The following C5orf46 variants were observed in gnomAD, a reference collection of about 807,000 sequenced individuals.
The protein encoded by C5orf46 is uncharacterized protein C5orf46.
C5orf46 carries 9 observed loss-of-function variants against 8.9 expected under a neutral mutation model. That is an observed-to-expected ratio of 1.01 (90% confidence interval 0.61 to 1.76). The LOEUF is 1.76. C5orf46 is among the 40% of genes most tolerant of loss of function. The pLI is 0.00. For missense variants in C5orf46, 98 were observed against 107.8 expected (o/e 0.91, Z 0.40); for synonymous variants, 47 against 41.4 (o/e 1.14, Z -0.52).
chr5:147,899,256 T>C (rs1266523146), intron 2 of C5orf46, among the ~76,000 whole-genome samples: 2 of 152,182 alleles, frequency 1.3e-5, no homozygotes, highest in East Asian at 3.8e-4. Context: ...GAGAAGGGAT[T>C]AAGAGCCTAG....
intron 3 of C5orf46, among the ~76,000 whole-genome samples, chr5:147,895,990 G>A (rs935366997): frequency 2.0e-5 from 3 of 152,144 alleles, no homozygotes; most frequent in African/African-American, 4.8e-5. Context: ...GGGAAAAGGA[G>A]CATTTCCAGA....
intron 3 of C5orf46, among the ~76,000 whole-genome samples, chr5:147,894,864 T>A (rs1757556874): frequency 6.6e-6 from 1 of 151,486 alleles, no homozygotes; most frequent in Non-Finnish European, 1.5e-5. Flanking sequence ...TTCAAGACCA[T>A]CATGGCCAAC....
chr5:147,897,620 A>G (rs1757604783), intron 2 of C5orf46, among the ~76,000 whole-genome samples: 1 of 152,214 alleles, frequency 6.6e-6, no homozygotes. Flanking sequence ...AGTGGAGAAA[A>G]CAGACAACTC....
rs541420015 is a variant in C5orf46, at chr5:147,900,840, T to C, written c.215+789A>G. On this transcript the variant is annotated intron_variant, in intron 2 of 3. Coordinates refer to ENST00000318315, the MANE Select transcript of C5orf46 (RefSeq NM_206966.3). Reference sequence around the variant, plus strand: ...TGGAAATTTGGAAGAGTGAATTTCATCTTGGAGAACTGAAATTTGGGAGAT... The same window carrying C: ...TGGAAATTTGGAAGAGTGAATTTCACCTTGGAGAACTGAAATTTGGGAGAT... 2.7e-3 allele frequency among the ~76,000 whole-genome samples: 409 copies of C among 152,332 alleles called. 1 individual carries two copies. The highest frequency in any genetic ancestry group is 9.3e-3 in the African/African-American group (388 of 41,578).
intron 2 of C5orf46, among the ~76,000 whole-genome samples, chr5:147,897,468 A>G (rs6862197): frequency 0.21 from 32,599 of 152,158 alleles, 5,978 homozygotes; most frequent in African/African-American, 0.51. Flanking sequence ...CTGGTAAGTT[A>G]CAAAGAAAAT....
chr5:147,895,264 C>A (rs1478595052), intron 3 of C5orf46, among the ~76,000 whole-genome samples: 3 of 152,034 alleles, frequency 2.0e-5, no homozygotes, highest in Non-Finnish European at 2.9e-5. Flanking sequence ...CATGGTGAAA[C>A]CCTGTCTCTA....
intron 3 of C5orf46, among the ~76,000 whole-genome samples, chr5:147,894,879 T>A: frequency 6.6e-6 from 1 of 151,406 alleles, no homozygotes; most frequent in East Asian, 1.9e-4. Context: ...GCCAACATGG[T>A]GAAACCTCAT....
intron 2 of C5orf46, 76 bp from the exon 3 acceptor site, chr5:147,897,117 A>G (rs1046890258): frequency 9.4e-6 from 6 of 638,984 alleles, no homozygotes; most frequent in Admixed American, 3.0e-5. Flanking sequence ...AAGGCGCTGT[A>G]TAATGTTTGA....
chr5:147,896,938 T>A, intron 3 of C5orf46, 46 bp downstream of exon 3: 2 of 975,836 alleles, frequency 2.0e-6, no homozygotes, highest in Non-Finnish European at 3.1e-6. Context: ...TTTTCCTTTG[T>A]CCAATACACT....
chr5:147,891,687 C>T (rs1349796541), downstream of C5orf46, among the ~76,000 whole-genome samples: 1 of 152,032 alleles, frequency 6.6e-6, no homozygotes, highest in Non-Finnish European at 1.5e-5. Context: ...GATTTTGCAG[C>T]CACATTTGAT....
At chr5:147,896,393 C>T (rs1757580327) in intron 3 of C5orf46, among the ~76,000 whole-genome samples, 1 of 152,184 alleles carries the variant, frequency 6.6e-6, no homozygotes, top group East Asian at 1.9e-4. Flanking sequence ...TAGCTTAATG[C>T]CTAAAACAGA....
At chr5:147,893,706 C>T (rs1362904153) in intron 3 of C5orf46, among the ~76,000 whole-genome samples, 1 of 152,030 alleles carries the variant, frequency 6.6e-6, no homozygotes, top group African/African-American at 2.4e-5. Context: ...CCATGCCCGG[C>T]TAATTTTGTA....
chr5:147,903,852 A>G (rs1036995875), intron 1 of C5orf46, among the ~76,000 whole-genome samples: 3 of 152,172 alleles, frequency 2.0e-5, no homozygotes, highest in African/African-American at 7.2e-5. Flanking sequence ...GGCTCAAGAC[A>G]TCCTCCCACC....
Position 147,894,624 on chromosome 5 carries a change from A to T in C5orf46, c.*10-1685T>A, listed in dbSNP as rs570253329. ...GCATAACTTTATCATTTCCTTCCACAGTTATGAGATACACAGAGCTATGTG... is the reference window on the plus strand; with the variant it reads ...GCATAACTTTATCATTTCCTTCCACTGTTATGAGATACACAGAGCTATGTG... On this transcript the variant is annotated intron_variant, in intron 3 of 3. Transcript: ENST00000318315. Among the ~76,000 whole-genome samples the T allele has an allele frequency of 3.3e-5, 5 of 152,188 alleles. No individual in the cohort carries two copies. The South Asian group carries it at 1.0e-3, about 32-fold the overall frequency.
chr5:147,901,714 C>A lies in C5orf46; in HGVS notation c.130G>T (p.Asp44Tyr), dbSNP rs1055403376. 3 of 1,614,010 alleles carry A rather than the reference C, an allele frequency of 1.9e-6. No homozygotes were observed. The Admixed American group carries it at 5.0e-5, about 27-fold the overall frequency. Residue 44 changes from aspartate to tyrosine, a missense_variant, in exon 2 of 4, where the codon GAC (aspartate) becomes TAC (tyrosine). Physicochemically the swap from Asp to Tyr is radical, Grantham distance 160. Transcript: ENST00000318315. ...AGGAGGCTTAGGAATTTGGGGAAGT[C>A]TGGCTTTGGGTCTTTGCCCGAGTCG... ...PDDSGKDPKP[D>Y]FPKFLSLLGT...
chr5:147,898,066 A>G (rs1441748660), intron 2 of C5orf46, among the ~76,000 whole-genome samples: 2 of 152,158 alleles, frequency 1.3e-5, no homozygotes, highest in South Asian at 2.1e-4. Flanking sequence ...TGGCAGTGAT[A>G]TGACCAAATT....
chr5:147,886,491 TTATA>T (rs1170296953), intron 2 of C5orf46: 4 of 150,958 alleles, frequency 2.6e-5, no homozygotes, highest in Non-Finnish European at 4.4e-5. Flanking sequence ...AATTAACATG[TTATA>T]TATAATTATA....
intron 2 of C5orf46, among the ~76,000 whole-genome samples, chr5:147,898,826 A>G (rs572971025): frequency 2.8e-4 from 42 of 152,290 alleles, no homozygotes; most frequent in African/African-American, 9.6e-4. Flanking sequence ...TATATTTTTC[A>G]GAAAAATGAT....
intron 1 of C5orf46, among the ~76,000 whole-genome samples, chr5:147,905,533 T>A: frequency 6.6e-6 from 1 of 152,332 alleles, no homozygotes; most frequent in East Asian, 1.9e-4. Flanking sequence ...TCAGCCAAGT[T>A]ACATTCAAAG....
Sources: allele counts gnomAD v4.1 joint callset (sites outside exome capture counted in the v4.1 genomes callset), GRCh38; gene constraint gnomAD v4.1.1; transcripts MANE v1.5; gene names NCBI Gene and HGNC (gene_info 2026-07-23, HGNC 2026-07-21).